HSF5: variants seen among roughly 807,000 people sequenced by gnomAD.
HSF5 encodes the protein heat shock factor protein 5.
A neutral mutation model predicts 50.8 loss-of-function variants in HSF5; 5 were observed. The ratio of observed to expected loss-of-function variants is 0.10; its 90% CI spans 0.05 to 0.21. HSF5 has a LOEUF of 0.21. Ranked by LOEUF, HSF5 falls within the 10% of genes least tolerant of loss-of-function variation. The pLI, the probability that HSF5 is intolerant of heterozygous loss-of-function variation, is 1.00. For synonymous variants in HSF5, 307 were observed against 307.4 expected, an observed-to-expected ratio of 1.00 and a Z score of 0.02; for missense variants, 564 against 762.6, an observed-to-expected ratio of 0.74 and a Z score of 3.07.
At chr17:58,476,408 T>C in intron 2 of HSF5, 1 of 1,023,026 alleles carries the variant, frequency 9.8e-7, no homozygotes, top group Non-Finnish European at 1.5e-6. Context: ...TCATGCTGCC[T>C]CTTCCTGCCG....
At position 58,421,245 on chromosome 17, in the gene HSF5, C is replaced by A. The variant is rs567357703; in HGVS notation, c.*1115G>T. The A allele has an allele frequency of 2.0e-5, 3 of 152,710 alleles. No homozygotes were observed. In the East Asian group the frequency reaches 5.8e-4, roughly 29 times the overall value. 9.5% of individuals were successfully genotyped at this position (152,710 alleles called of 1,614,324 possible). A position where few individuals can be genotyped will look rare whatever the true frequency, so the allele number is the denominator to read the frequency against. On this transcript the variant is annotated 3_prime_UTR_variant, in exon 6 of 6. Coordinates refer to ENST00000323777, the MANE Select transcript of HSF5 (RefSeq NM_001080439.3). ...TAACAGGGATAAGAAAAAAATGTTA[C>A]CATCTATCCCATTATCCAAAATTCT...
rs773881868 is a variant in HSF5 at position 58,422,312 on chromosome 17, T to C, written c.*48A>G. 3.0e-6 allele frequency: 4 copies of C among 1,341,470 alleles called. No individual in the cohort carries two copies. Among genetic ancestry groups the C allele is most frequent in the Middle Eastern group, 1.8e-4 (1 of 5,552 alleles). 83.1% of individuals were successfully genotyped at this position (1,341,470 alleles called of 1,614,324 possible). ...CAGTTTGTCATGTGCAAGGCTAGTC[T>C]GCCTCCAGCTACAGCTAGTGCACAA... is the stretch of plus-strand genomic sequence containing the variant. On this transcript the variant is annotated 3_prime_UTR_variant, in exon 6 of 6. Transcript: ENST00000323777.
intron 2 of HSF5, among the ~76,000 whole-genome samples, chr17:58,472,562 T>A (rs1454993690): frequency 6.6e-6 from 1 of 152,214 alleles, no homozygotes; most frequent in African/African-American, 2.4e-5. Flanking sequence ...ACAAAGCCTA[T>A]TCACATATAT....
chr17:58,481,974 T>C (rs1975103584), intron 1 of HSF5, among the ~76,000 whole-genome samples: 5 of 152,184 alleles, frequency 3.3e-5, no homozygotes, highest in African/African-American at 1.2e-4. Context: ...TACTCCAGCC[T>C]GGGTGACACA....
chr17:58,439,548 G>A (rs1481332740), intron 5 of HSF5, among the ~76,000 whole-genome samples: 2 of 151,826 alleles, frequency 1.3e-5, no homozygotes, highest in Non-Finnish European at 2.9e-5. Flanking sequence ...GCAATAGCGC[G>A]ATCTCGGCTC....
chr17:58,477,916 T>C (rs1472191172), intron 2 of HSF5, among the ~76,000 whole-genome samples: 6 of 152,062 alleles, frequency 3.9e-5, no homozygotes, highest in Admixed American at 3.9e-4. Flanking sequence ...CAGATTTACA[T>C]AACTGAAAAA....
At chr17:58,422,684 C>G (rs1282804027) in intron 5 of HSF5, among the ~76,000 whole-genome samples, 1 of 148,046 alleles carries the variant, frequency 6.8e-6, no homozygotes, top group Non-Finnish European at 1.5e-5. Context: ...ACTCTTTTCA[C>G]CTCAGTTGCC....
chr17:58,465,182 C>CT (rs529950180), intron 3 of HSF5, among the ~76,000 whole-genome samples: 16,714 of 69,310 alleles, frequency 0.24, 1,614 homozygotes, highest in East Asian at 0.29. Context: ...TATTTCTTTT[C>CT]TTTTTTTTTT....
chr17:58,470,694 A>G (rs1412444692), intron 2 of HSF5, among the ~76,000 whole-genome samples: 2 of 152,136 alleles, frequency 1.3e-5, no homozygotes, highest in Non-Finnish European at 2.9e-5. Flanking sequence ...TTGGGAGGCC[A>G]AGGCAGGCGG....
At chr17:58,461,212 TCACAACAACAAC>T (rs1370014857) in intron 4 of HSF5, among the ~76,000 whole-genome samples, 2 of 81,700 alleles carry the variant, frequency 2.4e-5, no homozygotes, top group Non-Finnish European at 2.3e-5. Context: ...AGATTCCATC[TCACAACAACAAC>T]AACAACAACA....
chr17:58,485,689 G>C (rs1364347246), intron 1 of HSF5, among the ~76,000 whole-genome samples: 2 of 150,618 alleles, frequency 1.3e-5, no homozygotes, highest in East Asian at 3.9e-4. Flanking sequence ...GGAGGTTGCA[G>C]TGAGCCAAGA....
intron 5 of HSF5, among the ~76,000 whole-genome samples, chr17:58,455,165 A>T (rs1042996213): frequency 1.3e-5 from 2 of 152,156 alleles, no homozygotes; most frequent in Non-Finnish European, 2.9e-5. Flanking sequence ...AGAACCCAAA[A>T]ATAAATTTAT....
At chr17:58,428,564 C>T (rs1262279842) in intron 5 of HSF5, among the ~76,000 whole-genome samples, 5 of 152,038 alleles carry the variant, frequency 3.3e-5, no homozygotes, top group Non-Finnish European at 7.4e-5. Flanking sequence ...AAAGCTGAGG[C>T]AGGAGAATGG....
intron 2 of HSF5, among the ~76,000 whole-genome samples, chr17:58,478,280 A>AATATAT (rs770822725): frequency 3.8e-5 from 5 of 132,800 alleles, no homozygotes; most frequent in South Asian, 2.3e-4. Context: ...AAAATAAATA[A>AATATAT]ATATATATAT....
intron 2 of HSF5, among the ~76,000 whole-genome samples, chr17:58,472,647 T>C (rs180963314): frequency 6.6e-6 from 1 of 152,300 alleles, no homozygotes; most frequent in East Asian, 1.9e-4. Context: ...TAACATGATA[T>C]AATCCACTGA....
rs753870531 is a variant in HSF5, at chr17:58,463,006, T to C, written c.1318A>G (p.Met440Val). Residue 440 changes from methionine (M) to valine (V), a missense_variant, in exon 4 of 6, where the codon ATG (methionine) becomes GTG (valine). This residue lies in a region of HSF5 where 441 missense variants were observed against 533.6 expected (regional missense o/e 0.83). Transcript: ENST00000323777. Reference protein sequence around the residue: ...EPLTPVGSDIMSFVVGTEQAV... With the variant: ...EPLTPVGSDIVSFVVGTEQAV... ...TGTTCTGTTCCAACCACAAAAGACATAATATCTGAGCCTACAGGAGTAAGT... is the reference window on the plus strand; with the variant it reads ...TGTTCTGTTCCAACCACAAAAGACACAATATCTGAGCCTACAGGAGTAAGT... 4 of 1,614,094 alleles carry C rather than the reference T, an allele frequency of 2.5e-6. No individual in the cohort carries two copies. Among genetic ancestry groups the C allele is most frequent in the Non-Finnish European group, 2.5e-6 (3 of 1,180,048 alleles).
chr17:58,431,944 G>A (rs1974370051), intron 5 of HSF5, among the ~76,000 whole-genome samples: 1 of 152,176 alleles, frequency 6.6e-6, no homozygotes. Flanking sequence ...AGTGGAAATG[G>A]AGACTTACTG....
chr17:58,461,866 C>A (rs190725032), intron 4 of HSF5, among the ~76,000 whole-genome samples: 4 of 151,364 alleles, frequency 2.6e-5, no homozygotes, highest in Non-Finnish European at 4.4e-5. Context: ...AGAGACTCCA[C>A]CTCAAAAAAA....
Position 58,450,908 on chromosome 17 carries a change from G to T in HSF5, c.1720+7860C>A, listed in dbSNP as rs376154007. Among the ~76,000 whole-genome samples the T allele has an allele frequency of 5.9e-5, 9 of 152,002 alleles. No individual in the cohort carries two copies. The East Asian group carries it at 1.6e-3, about 26-fold the overall frequency. ...GTTTGAGACCAGCCTGGCCAACATG[G>T]TGAAATCCTGTCTCTACTAAAAATA... On this transcript the variant is annotated intron_variant, in intron 5 of 5. Transcript: ENST00000323777.
Sources: gnomAD v4.1 joint callset for allele counts (sites outside exome capture counted in the v4.1 genomes callset) on GRCh38, gnomAD v4.1.1 for gene constraint, gnomAD v4.1.1 regional missense constraint, MANE v1.5 for transcripts, NCBI Gene and HGNC (gene_info 2026-07-23, HGNC 2026-07-21) for gene names.